Variants in ATXN2 observed in about 807,000 individuals in gnomAD.
The protein encoded by ATXN2 is ataxin 2.
Under a neutral mutation model 138.6 loss-of-function variants are expected in ATXN2, and 37 were observed. The ratio of observed to expected loss-of-function variants is 0.27; its 90% CI spans 0.21 to 0.35. The LOEUF (loss-of-function observed/expected upper bound fraction) is 0.35. Among genes scored for constraint, ATXN2 ranks in the 10% least tolerant of loss-of-function variants. The pLI is 1.00. For missense variants in ATXN2, 1,216 were observed against 1,480.3 expected (o/e 0.82, Z 2.93); for synonymous variants, 549 against 543.7 (o/e 1.01, Z -0.13).
intron 5 of ATXN2, among the ~76,000 whole-genome samples, chr12:111,541,705 TC>T (rs1434803839): frequency 6.7e-6 from 1 of 149,352 alleles, no homozygotes; most frequent in Non-Finnish European, 1.5e-5. Context: ...GAAAAAAATT[TC>T]CAAAGTTCTT....
chr12:111,570,883 C>T (rs552622819), intron 1 of ATXN2, among the ~76,000 whole-genome samples: 3 of 152,272 alleles, frequency 2.0e-5, no homozygotes, highest in South Asian at 4.1e-4. Context: ...CTTAATGAAA[C>T]GCTAAACTGT....
chr12:111,507,949 T>A (rs1031098563), intron 14 of ATXN2, among the ~76,000 whole-genome samples: 1 of 152,302 alleles, frequency 6.6e-6, no homozygotes, highest in Non-Finnish European at 1.5e-5. Context: ...GTTAAACAGA[T>A]GCTTGAAGGC....
intron 5 of ATXN2, among the ~76,000 whole-genome samples, chr12:111,540,986 A>G (rs1455442556): frequency 6.7e-6 from 1 of 150,068 alleles, no homozygotes; most frequent in Non-Finnish European, 1.5e-5. Context: ...CGTGAGCACC[A>G]CACCCGGCCT....
intron 5 of ATXN2, among the ~76,000 whole-genome samples, chr12:111,539,994 G>A (rs1047871597): frequency 1.3e-5 from 2 of 150,172 alleles, no homozygotes; most frequent in Non-Finnish European, 3.0e-5. Context: ...AATTCTTACA[G>A]CTGTACAAAT....
intron 15 of ATXN2, among the ~76,000 whole-genome samples, chr12:111,488,178 C>T (rs1290876187): frequency 6.6e-6 from 1 of 152,078 alleles, no homozygotes; most frequent in African/African-American, 2.4e-5. Context: ...AGATAGGTCC[C>T]CTGAATTGAT....
In ATXN2 at chr12:111,470,731, G is replaced by A. The variant is rs1343876351; in HGVS notation, c.2536C>T (p.Pro846Ser). The A allele has an allele frequency of 7.4e-6, 12 of 1,614,028 alleles. No homozygotes were observed. Among genetic ancestry groups the A allele is most frequent in the South Asian group, 1.1e-5 (1 of 91,060 alleles). The stretch of plus-strand genomic sequence containing the variant: ...TGATGCTGGTCTTGCCGCTGTTGGG[G>A]CATATTTGGTACTGCAGAAAAAAAA... ...TYRAGKVPNM[P>S]QQRQDQHHQS... The change falls in exon 19 of 25, where the codon CCC becomes TCC. Residue 846 changes from proline (P) to serine (S), a missense_variant. Coordinates refer to ENST00000673436, the MANE Select transcript of ATXN2 (RefSeq NM_001372574.1).
intron 20 of ATXN2, chr12:111,469,698 A>G (rs536273296): frequency 1.1e-4 from 23 of 208,184 alleles, no homozygotes; most frequent in African/African-American, 4.8e-4. Context: ...ATGTAATGCC[A>G]GTGACCCTCA....
intron 1 of ATXN2, among the ~76,000 whole-genome samples, chr12:111,584,214 T>C (rs1473526592): frequency 6.6e-6 from 1 of 150,940 alleles, no homozygotes; most frequent in Non-Finnish European, 1.5e-5. Context: ...AAACCTCATC[T>C]CTTCAAAAAA....
chr12:111,572,011 C>CAA (rs10632970), intron 1 of ATXN2, among the ~76,000 whole-genome samples: 1,895 of 89,644 alleles, frequency 0.021, 32 homozygotes, highest in African/African-American at 0.032. Context: ...GACTCTGTCT[C>CAA]AAAAAAAAAA....
intron 1 of ATXN2, among the ~76,000 whole-genome samples, chr12:111,575,083 C>T (rs1174341981): frequency 6.6e-6 from 1 of 152,174 alleles, no homozygotes; most frequent in African/African-American, 2.4e-5. Context: ...CTGTTTCCCT[C>T]CCTTTTTAAT....
intron 14 of ATXN2, among the ~76,000 whole-genome samples, chr12:111,507,921 C>T (rs1429424272): frequency 1.3e-5 from 2 of 152,248 alleles, no homozygotes; most frequent in African/African-American, 2.4e-5. Flanking sequence ...GGATTAAGGG[C>T]GGTGCAAGAT....
In ATXN2 at chr12:111,552,324, A is replaced by G; in HGVS notation, c.527T>C (p.Val176Ala). 1 of 1,613,456 alleles carries G rather than the reference A, an allele frequency of 6.2e-7. No homozygotes were observed. Among genetic ancestry groups the G allele is most frequent in the Non-Finnish European group, 8.5e-7 (1 of 1,179,786 alleles). Residue 176 changes from valine to alanine, a missense_variant, in exon 5 of 25, where the codon GTT becomes GCT. Around this residue, in one of 4 missense-constraint regions of ATXN2, gnomAD observed 401 missense variants for 528.1 expected, o/e 0.76. Transcript: ENST00000673436. This position sits in a 1 kb window ranked among gnomAD's most constrained non-coding sequence, Gnocchi z 4.1. ...GTCCATATCTTTAAACTGTACCACA[A>G]CAAAGTCTGAACATTTGAACAAAAT... ...ESILFKCSDF[V>A]VVQFKDMDSS... is the part of the protein sequence containing the mutation.
intron 5 of ATXN2, among the ~76,000 whole-genome samples, chr12:111,527,415 A>AT (rs1329611123): frequency 1.3e-5 from 2 of 152,250 alleles, no homozygotes; most frequent in African/African-American, 2.4e-5. Context: ...CAATGCTTCT[A>AT]TAACTGTCAT....
intron 14 of ATXN2, among the ~76,000 whole-genome samples, chr12:111,489,654 G>A (rs1877890102): frequency 6.6e-6 from 1 of 151,592 alleles, no homozygotes. Flanking sequence ...GGGCACAGTA[G>A]CTCATCACTG....
At position 111,453,251 on chromosome 12, in the gene ATXN2, AG is replaced by A; in HGVS notation, c.3440-412del. 9.4e-7 allele frequency: 1 copy of A among 1,063,936 alleles called. No individual in the cohort carries two copies. Among genetic ancestry groups the A allele is most frequent in the Admixed American group, 5.2e-5 (1 of 19,236 alleles). 65.9% of individuals were successfully genotyped at this position (1,063,936 alleles called of 1,614,324 possible). On this transcript the variant is annotated intron_variant, in intron 24 of 24. Coordinates refer to ENST00000673436, the MANE Select transcript of ATXN2 (RefSeq NM_001372574.1). This position sits in a 1 kb window ranked among gnomAD's most constrained non-coding sequence, Gnocchi z 5.4. The stretch of plus-strand genomic sequence containing the variant: ...GGGCTGGGGCTAACGCTACACTCAA[AG>A]CCAGTCCATCCACAGCGCTTTCTCA...
intron 1 of ATXN2, among the ~76,000 whole-genome samples, chr12:111,580,593 G>C (rs1883939799): frequency 6.9e-6 from 1 of 145,078 alleles, no homozygotes; most frequent in Non-Finnish European, 1.5e-5. Context: ...TCTGGGCTCA[G>C]GAGTTCAAGG....
chr12:111,460,582 T>G (rs988687022), intron 21 of ATXN2, among the ~76,000 whole-genome samples: 8 of 151,516 alleles, frequency 5.3e-5, no homozygotes, highest in African/African-American at 1.2e-4. Context: ...AGGTTTTTGT[T>G]TTTTTTTTGT....
intron 14 of ATXN2, among the ~76,000 whole-genome samples, chr12:111,492,737 C>G (rs1351274202): frequency 2.0e-5 from 3 of 150,222 alleles, no homozygotes; most frequent in Non-Finnish European, 4.4e-5. Context: ...CTACAAAGAA[C>G]AGAATACCCA....
At chr12:111,599,389 G>GCCGCCCCGC (rs887186040), upstream of ATXN2, 4 of 1,157,810 alleles carry the variant, frequency 3.5e-6, no homozygotes, top group African/African-American at 3.3e-5. Flanking sequence ...CCGCGCCACC[G>GCCGCCCCGC]CCGCCCCGCC....
Sources: allele counts gnomAD v4.1 joint callset (sites outside exome capture counted in the v4.1 genomes callset), GRCh38; gene constraint gnomAD v4.1.1; regional missense constraint gnomAD v4.1.1; non-coding constraint Gnocchi (gnomAD v3.1); transcripts MANE v1.5; gene names NCBI Gene and HGNC (gene_info 2026-07-23, HGNC 2026-07-21).